Variants in POGZ observed in about 807,000 individuals in gnomAD.
POGZ encodes pogo transposable element with ZNF domain.
In POGZ, 17 loss-of-function variants were observed where a neutral mutation model predicts 134.6. The ratio of observed to expected loss-of-function variants is 0.13; its 90% CI spans 0.09 to 0.19. POGZ has a LOEUF of 0.19. Ranked by LOEUF, POGZ falls within the 10% of genes least tolerant of loss-of-function variation. POGZ has a pLI of 1.00. For missense variants in POGZ, 1,306 were observed against 1,769.7 expected (o/e 0.74, Z 4.70); for synonymous variants, 693 against 657.1 (o/e 1.05, Z -0.84).
At position 151,429,635 on chromosome 1, in the gene POGZ, C is replaced by T; in HGVS notation, c.536G>A (p.Gly179Asp). The change falls in exon 5 of 19, where the codon GGC becomes GAC. Residue 179 changes from glycine (G) to aspartate (D), a missense_variant. Gly to Asp is a moderately conservative substitution (Grantham distance 94, BLOSUM62 -1). Transcript: ENST00000271715. ...TAGTGTAATTGGTCTAACCGTTTGG[C>T]CTTGCTGTACGTTCAGCACAATCCC... ...QVGIVLNVQQ[G>D]QTVRPITLVP... 1 of 1,610,218 alleles carries T rather than the reference C, an allele frequency of 6.2e-7. No homozygotes were observed. The highest frequency in any genetic ancestry group is 8.5e-7 in the Non-Finnish European group (1 of 1,176,586).
chr1:151,449,110 C>T (rs907871593), intron 1 of POGZ, among the ~76,000 whole-genome samples: 1 of 152,152 alleles, frequency 6.6e-6, no homozygotes, highest in African/African-American at 2.4e-5. Context: ...CAATTAAATT[C>T]CCAATAGTGC....
chr1:151,434,069 G>T (rs918233764), intron 3 of POGZ, among the ~76,000 whole-genome samples: 2 of 152,132 alleles, frequency 1.3e-5, no homozygotes, highest in African/African-American at 4.8e-5. Context: ...AGCACTTTGG[G>T]AGGCCGAGGC....
At chr1:151,417,209 G>A (rs1272677283) in intron 10 of POGZ, among the ~76,000 whole-genome samples, 13 of 151,046 alleles carry the variant, frequency 8.6e-5, no homozygotes, top group Admixed American at 2.0e-4. Flanking sequence ...GATTAGAGGC[G>A]CGTGCCACCA....
Position 151,405,803 on chromosome 1 carries a change from G to A in POGZ, c.3232C>T (p.Arg1078Trp), listed in dbSNP as rs780138106. ...CGGGCATGGGGAGTCAGGTGGTGCC[G>A]CAGCATGAAACGCACAGCCCACTCA... ...SYEWAVRFML[R>W]HHLTPHARRA... The change falls in exon 19 of 19, where the codon CGG becomes TGG. Residue 1078 changes from arginine to tryptophan, a missense_variant. Arg to Trp is a moderately radical substitution (Grantham distance 101, BLOSUM62 -3). Transcript: ENST00000271715. This position sits in a 1 kb window ranked among gnomAD's most constrained non-coding sequence, Gnocchi z 4.9. 4 of 1,614,150 alleles carry A rather than the reference G, an allele frequency of 2.5e-6. No homozygotes were observed. The highest frequency in any genetic ancestry group is 2.5e-6 in the Non-Finnish European group (3 of 1,180,026).
rs1377437933 is a variant in POGZ, at chr1:151,428,353, G to A, written c.629C>T (p.Thr210Ile). The A allele has an allele frequency of 6.2e-7, 1 of 1,613,848 alleles. No individual in the cohort carries two copies. Among genetic ancestry groups the A allele is most frequent in the Non-Finnish European group, 8.5e-7 (1 of 1,179,826 alleles). The change falls in exon 6 of 19, where the codon ACC becomes ATC. Residue 210 changes from threonine (T) to isoleucine (I), a missense_variant. Physicochemically the swap from Thr to Ile is moderately conservative, Grantham distance 89. Coordinates refer to ENST00000271715, the MANE Select transcript of POGZ (RefSeq NM_015100.4). ...CATTGTGGAGCCTGGCCTCACAGGG[G>A]TCATCTGGGAGAACACTTGTGGAAC... ...VGVPQVFSQMTPVRPGSTMPV... is the reference protein window; with the variant it reads ...VGVPQVFSQMIPVRPGSTMPV...
chr1:151,444,438 T>C (rs1372122325), intron 1 of POGZ, among the ~76,000 whole-genome samples: 1 of 152,242 alleles, frequency 6.6e-6, no homozygotes, highest in Admixed American at 6.5e-5. Context: ...TCCATTGTTC[T>C]TTGCTGTATA....
intron 10 of POGZ, among the ~76,000 whole-genome samples, chr1:151,419,404 C>A (rs1413286935): frequency 2.0e-5 from 3 of 151,764 alleles, no homozygotes; most frequent in African/African-American, 7.3e-5. Context: ...AATCACAGCA[C>A]TTTGAGGCTG....
intron 3 of POGZ, among the ~76,000 whole-genome samples, chr1:151,433,796 T>C (rs1659133278): frequency 6.6e-6 from 1 of 152,186 alleles, no homozygotes; most frequent in East Asian, 1.9e-4. Context: ...CTCAAAGGAA[T>C]TCTGACAATT....
intron 1 of POGZ, among the ~76,000 whole-genome samples, chr1:151,449,137 A>G (rs1220174653): frequency 6.6e-6 from 1 of 152,182 alleles, no homozygotes; most frequent in Non-Finnish European, 1.5e-5. Flanking sequence ...ATTTCATCAT[A>G]TTCCAGTGTT....
chr1:151,419,726 A>G (rs1656562857), intron 10 of POGZ, among the ~76,000 whole-genome samples: 2 of 147,604 alleles, frequency 1.4e-5, no homozygotes, highest in East Asian at 2.0e-4. Flanking sequence ...TCAAGGGTGC[A>G]AAAAAGGAAA....
chr1:151,452,889 G>A (rs1176762078), intron 1 of POGZ, among the ~76,000 whole-genome samples: 4 of 151,718 alleles, frequency 2.6e-5, no homozygotes, highest in Non-Finnish European at 4.4e-5. Context: ...CTCTGTCTAG[G>A]TGGTGGATAG....
chr1:151,426,843 G>A (rs1657871119), intron 7 of POGZ: 1 of 152,000 alleles, frequency 6.6e-6, no homozygotes, highest in Non-Finnish European at 1.5e-5. Flanking sequence ...GTTAATTTTT[G>A]TATTTATTGT....
chr1:151,440,942 A>C lies in POGZ; in HGVS notation c.269T>G (p.Ile90Ser). 1 of 1,613,316 alleles carries C rather than the reference A, an allele frequency of 6.2e-7. No individual in the cohort carries two copies. Among genetic ancestry groups the C allele is most frequent in the African/African-American group, 1.3e-5 (1 of 75,016 alleles). ...DSTKKTLVTL[I>S]ANNNAGNPLV... Reference sequence around the variant, plus strand: ...ATCCCACTTACCATTGTTGTTGGCAATTAGTGTGACAAGAGTCTTCTTTGT... The same window carrying C: ...ATCCCACTTACCATTGTTGTTGGCACTTAGTGTGACAAGAGTCTTCTTTGT... Residue 90 changes from isoleucine (I) to serine (S), a missense_variant, in exon 3 of 19, where the codon ATT becomes AGT. By Grantham distance (142) the Ile-to-Ser change is moderately radical. Transcript: ENST00000271715.
intron 3 of POGZ, among the ~76,000 whole-genome samples, chr1:151,435,869 T>A: frequency 6.6e-6 from 1 of 152,120 alleles, no homozygotes. Flanking sequence ...TACTGCCCAT[T>A]TAAAATACAC....
intron 12 of POGZ, among the ~76,000 whole-genome samples, chr1:151,411,340 G>A (rs1272814945): frequency 1.3e-5 from 2 of 152,034 alleles, no homozygotes; most frequent in African/African-American, 4.8e-5. Flanking sequence ...ACTTCTTTCT[G>A]GAAGCCTTAC....
At chr1:151,418,652 A>T (rs1321891312) in intron 10 of POGZ, among the ~76,000 whole-genome samples, 1 of 152,204 alleles carries the variant, frequency 6.6e-6, no homozygotes, top group Non-Finnish European at 1.5e-5. Context: ...ATATTTACAG[A>T]TTATATAAAT....
In POGZ at chr1:151,440,909, TC is replaced by T. The variant is rs745621319; in HGVS notation, c.283+18del. ...ACCCCTCTAGCCCAGGATTATTATT[TC>T]CCAATAATCCCACTTACCATTGTTG... On this transcript the variant is annotated intron_variant, in intron 3 of 18. Transcript: ENST00000271715. 9.4e-6 allele frequency: 15 copies of T among 1,601,752 alleles called. No homozygotes were observed. In the African/African-American group the frequency reaches 1.5e-4, roughly 16 times the overall value.
intron 3 of POGZ, among the ~76,000 whole-genome samples, chr1:151,434,034 C>T (rs1219254731): frequency 2.0e-5 from 3 of 152,012 alleles, no homozygotes; most frequent in Non-Finnish European, 2.9e-5. Context: ...CAAGGCCAGG[C>T]GTGGTGGCTT....
intron 1 of POGZ, among the ~76,000 whole-genome samples, chr1:151,456,313 G>A (rs1314935358): frequency 6.6e-6 from 1 of 152,140 alleles, no homozygotes; most frequent in African/African-American, 2.4e-5. Context: ...TAAGTACTAG[G>A]AAGCTGTCAA....
Sources: allele counts gnomAD v4.1 joint callset (sites outside exome capture counted in the v4.1 genomes callset), GRCh38; gene constraint gnomAD v4.1.1; non-coding constraint Gnocchi (gnomAD v3.1); transcripts MANE v1.5; gene names NCBI Gene and HGNC (gene_info 2026-07-23, HGNC 2026-07-21).